The following PIAS2 variants were observed in gnomAD, a reference collection of about 807,000 sequenced individuals.
PIAS2 encodes the protein protein inhibitor of activated STAT 2.
In PIAS2, 19 loss-of-function variants were observed where a neutral mutation model predicts 69.7. That is an observed-to-expected ratio of 0.27 (90% CI 0.19 to 0.40). The LOEUF (loss-of-function observed/expected upper bound fraction) is 0.40. Among genes scored for constraint, PIAS2 ranks in the 10% least tolerant of loss-of-function variants. The pLI, the probability that PIAS2 is intolerant of heterozygous loss-of-function variation, is 1.00. For synonymous variants in PIAS2, 261 were observed against 263.2 expected, an observed-to-expected ratio of 0.99 and a Z score of 0.08; for missense variants, 624 against 757.0, an observed-to-expected ratio of 0.82 and a Z score of 2.06.
chr18:46,917,094 A>C, intron 1 of PIAS2: 1 of 989,172 alleles, frequency 1.0e-6, no homozygotes, highest in Non-Finnish European at 1.2e-6. Flanking sequence ...AGCACTCAGG[A>C]GCCGGCTCGC....
intron 2 of PIAS2, among the ~76,000 whole-genome samples, chr18:46,875,900 GA>G (rs1483685906): frequency 6.6e-6 from 1 of 152,154 alleles, no homozygotes; most frequent in Non-Finnish European, 1.5e-5. Flanking sequence ...CTAGGGTAAT[GA>G]ATTATGCCAA....
At chr18:46,906,614 C>G (rs2056626927) in intron 1 of PIAS2, among the ~76,000 whole-genome samples, 1 of 151,778 alleles carries the variant, frequency 6.6e-6, no homozygotes, top group Admixed American at 6.6e-5. Context: ...CTGAAAATAA[C>G]AAAACTTTAT....
At chr18:46,864,997 A>C (rs558935827) in intron 2 of PIAS2, among the ~76,000 whole-genome samples, 1 of 152,274 alleles carries the variant, frequency 6.6e-6, no homozygotes, top group Non-Finnish European at 1.5e-5. Context: ...TTTGAATGTC[A>C]AAACTTTTAA....
rs529096877 is a variant in PIAS2 at position 46,900,766 on chromosome 18, G to A, written c.25-9712C>T. ...CGAGGCGGGTGAATCACGAGGTCAG[G>A]CGTTCAAGACCAGCCTGGCCAAGAT... is the stretch of plus-strand genomic sequence containing the variant. On this transcript the variant is annotated intron_variant, in intron 1 of 13. Coordinates refer to ENST00000585916, the MANE Select transcript of PIAS2 (RefSeq NM_004671.5). Among the ~76,000 whole-genome samples, 3 of 151,664 alleles carry A rather than the reference G, an allele frequency of 2.0e-5. No individual in the cohort carries two copies. In the East Asian group the frequency reaches 5.9e-4, roughly 30 times the overall value.
intron 12 of PIAS2, chr18:46,816,491 T>C: frequency 1.0e-6 from 1 of 966,652 alleles, no homozygotes; most frequent in Non-Finnish European, 1.2e-6. Flanking sequence ...TTTCCTTTTT[T>C]TGGGAGACAC....
At chr18:46,844,923 T>A in intron 6 of PIAS2, 84 bp from the exon 7 acceptor site, 1 of 531,824 alleles carries the variant, frequency 1.9e-6, no homozygotes, top group Non-Finnish European at 3.2e-6. Flanking sequence ...TAAGAAACTC[T>A]GGTTTCTAAA....
intron 1 of PIAS2, chr18:46,891,265 G>A (rs1248137281): frequency 1.5e-6 from 1 of 664,652 alleles, no homozygotes; most frequent in Non-Finnish European, 2.7e-6. Flanking sequence ...ATATTTTGTT[G>A]TACAAGATCT....
intron 12 of PIAS2, chr18:46,816,019 A>G: frequency 1.0e-6 from 1 of 983,544 alleles, no homozygotes; most frequent in Non-Finnish European, 1.2e-6. Context: ...TGACATATTC[A>G]AGTAATAACA....
intron 6 of PIAS2, chr18:46,846,483 AT>A (rs149343588): frequency 0.049 from 17,473 of 357,828 alleles, 524 homozygotes; most frequent in Non-Finnish European, 0.062. Context: ...AAATATGCAT[AT>A]TTCCTTTCCA....
chr18:46,853,453 T>C (rs2047281659), intron 5 of PIAS2: 1 of 152,354 alleles, frequency 6.6e-6, no homozygotes, highest in South Asian at 2.1e-4. Flanking sequence ...CAGCTCCAAG[T>C]AGGGCTGCTT....
chr18:46,893,158 A>T (rs2054323004), intron 1 of PIAS2, among the ~76,000 whole-genome samples: 1 of 152,200 alleles, frequency 6.6e-6, no homozygotes, highest in Non-Finnish European at 1.5e-5. Context: ...CTTACTCAAC[A>T]TCTCATGCAT....
In PIAS2 at chr18:46,808,100, A is replaced by G. The variant is rs1318675183; in HGVS notation, c.*4333T>C. The G allele has an allele frequency of 2.0e-5, 3 of 152,252 alleles. No individual in the cohort carries two copies. The highest frequency in any genetic ancestry group is 4.8e-5 in the African/African-American group (2 of 41,474). 9.4% of individuals were successfully genotyped at this position (152,252 alleles called of 1,614,324 possible). A position where few individuals can be genotyped will look rare whatever the true frequency, so the allele number is the denominator to read the frequency against. The stretch of plus-strand genomic sequence containing the variant: ...GGCACATCCATAACAATGGAGTACC[A>G]TAAAATTAATAATAGTTGACACAGT... On this transcript the variant is annotated 3_prime_UTR_variant, in exon 14 of 14. Coordinates refer to ENST00000585916, the MANE Select transcript of PIAS2 (RefSeq NM_004671.5).
At position 46,815,302 on chromosome 18, in the gene PIAS2, G is replaced by A. The variant is rs1468280097; in HGVS notation, c.1686+10C>T. Reference sequence around the variant, plus strand: ...AATACAAATTAGTTGCTTAAATTCAGGATACATACCTGGGGATCAACTGGA... The same window carrying A: ...AATACAAATTAGTTGCTTAAATTCAAGATACATACCTGGGGATCAACTGGA... On this transcript the variant is annotated intron_variant, in intron 13 of 13. Transcript: ENST00000585916. The A allele has an allele frequency of 6.2e-7, 1 of 1,609,040 alleles. No individual in the cohort carries two copies. The highest frequency in any genetic ancestry group is 8.5e-7 in the Non-Finnish European group (1 of 1,176,230).
intron 1 of PIAS2, among the ~76,000 whole-genome samples, chr18:46,900,056 A>T (rs189013743): frequency 1.7e-4 from 26 of 152,266 alleles, no homozygotes; most frequent in African/African-American, 6.3e-4. Flanking sequence ...ATGGTCCAAC[A>T]TCGTCTCTAC....
chr18:46,870,746 T>A (rs1359793115), intron 2 of PIAS2, among the ~76,000 whole-genome samples: 1 of 151,768 alleles, frequency 6.6e-6, no homozygotes, highest in Non-Finnish European at 1.5e-5. Context: ...ATGACCATCC[T>A]GGGCATCCTC....
intron 5 of PIAS2, among the ~76,000 whole-genome samples, chr18:46,852,139 A>G (rs1351057880): frequency 6.6e-6 from 1 of 152,186 alleles, no homozygotes. Context: ...TAATTCTTAA[A>G]AACTGCAGAA....
At position 46,806,958 on chromosome 18, in the gene PIAS2, GA is replaced by G. The variant is rs1327494875; in HGVS notation, c.*5474del. On this transcript the variant is annotated 3_prime_UTR_variant, in exon 14 of 14. Transcript: ENST00000585916. ...AGAAAATGTTGTACCTCAAACATCT[GA>G]AGGTAGCAATCTGTTTTTTTCTTTC... The G allele has an allele frequency of 6.6e-6, 1 of 152,138 alleles. No homozygotes were observed. Among genetic ancestry groups the G allele is most frequent in the African/African-American group, 2.4e-5 (1 of 41,436 alleles). 9.4% of individuals were successfully genotyped at this position (152,138 alleles called of 1,614,324 possible). A position where few individuals can be genotyped will look rare whatever the true frequency, so the allele number is the denominator to read the frequency against.
intron 5 of PIAS2, among the ~76,000 whole-genome samples, chr18:46,850,108 T>C (rs762086715): frequency 6.6e-6 from 1 of 152,176 alleles, no homozygotes; most frequent in Admixed American, 6.6e-5. Context: ...TTTAAACATA[T>C]ACAAAAATAG....
rs1296629944 is a variant in PIAS2, at chr18:46,805,922, T to C, written c.*6511A>G. On this transcript the variant is annotated 3_prime_UTR_variant, in exon 14 of 14. Coordinates refer to ENST00000585916, the MANE Select transcript of PIAS2 (RefSeq NM_004671.5). Reference sequence around the variant, plus strand: ...TACATGATTCGTCTTCACTCTAAACTGCCTCCTGTCTCTGTAGATAGTGCC... The same window carrying C: ...TACATGATTCGTCTTCACTCTAAACCGCCTCCTGTCTCTGTAGATAGTGCC... 1 of 152,204 alleles carries C rather than the reference T, an allele frequency of 6.6e-6. No individual in the cohort carries two copies. Among genetic ancestry groups the C allele is most frequent in the African/African-American group, 2.4e-5 (1 of 41,434 alleles). The allele number at this position is 152,204 out of a possible 1,614,324, so 9.4% of individuals were successfully genotyped here. A position where few individuals can be genotyped will look rare whatever the true frequency, so the allele number is the denominator to read the frequency against.
Sources: allele counts gnomAD v4.1 joint callset (sites outside exome capture counted in the v4.1 genomes callset), GRCh38; gene constraint gnomAD v4.1.1; transcripts MANE v1.5; gene names NCBI Gene and HGNC (gene_info 2026-07-23, HGNC 2026-07-21).